Variants in DTX2 observed in about 807,000 individuals in gnomAD.
DTX2 encodes the protein probable E3 ubiquitin-protein ligase DTX2.
In DTX2, 29 loss-of-function variants were observed where a neutral mutation model predicts 55.3. The ratio of observed to expected loss-of-function variants is 0.52; its 90% CI spans 0.39 to 0.71. The LOEUF is 0.71. DTX2 is among the 30% of genes least tolerant of loss of function. The pLI is 0.00. For missense variants in DTX2, 537 were observed against 822.5 expected (o/e 0.65, Z 4.25); for synonymous variants, 276 against 340.4 (o/e 0.81, Z 2.08).
chr7:76,480,618 A>G lies in DTX2; in HGVS notation c.109A>G (p.Thr37Ala). The change falls in exon 3 of 11, where the codon ACC (threonine) becomes GCC (alanine). Residue 37 changes from threonine (T) to alanine (A), a missense_variant. Thr to Ala is a moderately conservative substitution (Grantham distance 58). This residue lies in a region of DTX2 where 301 missense variants were observed against 396.6 expected (regional missense o/e 0.76). Coordinates refer to ENST00000430490, the MANE Select transcript of DTX2 (RefSeq NM_001102594.3). ...GGGCACCTGGCACCCCTACAGTGCCACCGTCTGCAGCTTCATCGAGCAGCA... is the reference window on the plus strand; with the variant it reads ...GGGCACCTGGCACCCCTACAGTGCCGCCGTCTGCAGCTTCATCGAGCAGCA... Reference protein sequence around the residue: ...GLGTWHPYSATVCSFIEQQFV... With the variant: ...GLGTWHPYSAAVCSFIEQQFV... The G allele has an allele frequency of 6.2e-7, 1 of 1,613,460 alleles. No individual in the cohort carries two copies. The highest frequency in any genetic ancestry group is 8.5e-7 in the Non-Finnish European group (1 of 1,179,926).
chr7:76,505,682 G>A lies in DTX2; in HGVS notation c.*81G>A. On this transcript the variant is annotated 3_prime_UTR_variant, in exon 11 of 11. Coordinates refer to ENST00000430490, the MANE Select transcript of DTX2 (RefSeq NM_001102594.3). This position sits in a 1 kb window ranked among gnomAD's most constrained non-coding sequence, Gnocchi z 4.4. The stretch of plus-strand genomic sequence containing the variant: ...TGGGTGGCCAGGCAGGAAGTGCCCA[G>A]CCCGAGAGGCTGGGAGGTTTGTTGA... The A allele has an allele frequency of 7.0e-7, 1 of 1,419,644 alleles. No homozygotes were observed. The highest frequency in any genetic ancestry group is 1.3e-5 in the South Asian group (1 of 78,476). 87.9% of individuals were successfully genotyped at this position (1,419,644 alleles called of 1,614,324 possible).
At chr7:76,478,102 G>A (rs1177357671) in intron 2 of DTX2, 1 of 145,356 alleles carries the variant, frequency 6.9e-6, no homozygotes, top group African/African-American at 2.6e-5. Flanking sequence ...CGCCCATGAA[G>A]GACCCTGGCC....
At chr7:76,472,825 T>C (rs1458033598) in intron 2 of DTX2, among the ~76,000 whole-genome samples, 1 of 152,214 alleles carries the variant, frequency 6.6e-6, no homozygotes, top group Non-Finnish European at 1.5e-5. Flanking sequence ...TTGACTTCTA[T>C]GGAGTTTGCC....
intron 2 of DTX2, among the ~76,000 whole-genome samples, chr7:76,468,831 C>T (rs1294962571): frequency 1.5e-5 from 2 of 135,984 alleles, no homozygotes; most frequent in African/African-American, 5.9e-5. Context: ...GGCACAGTCT[C>T]GGCTCACTGC....
chr7:76,481,047 C>T (rs749712313), intron 3 of DTX2, among the ~76,000 whole-genome samples: 45 of 152,256 alleles, frequency 3.0e-4, no homozygotes, highest in Non-Finnish European at 5.3e-4. Flanking sequence ...GTTCCTTTGG[C>T]CGGCAGGCCG....
At chr7:76,473,926 T>C (rs1224105974) in intron 2 of DTX2, among the ~76,000 whole-genome samples, 1 of 135,690 alleles carries the variant, frequency 7.4e-6, no homozygotes, top group East Asian at 2.2e-4. Context: ...TCACTTTTTT[T>C]TTTTTTTTTT....
chr7:76,480,698 C>A lies in DTX2; in HGVS notation c.189C>A (p.Ile63=). The A allele has an allele frequency of 6.2e-7, 1 of 1,613,696 alleles. No individual in the cohort carries two copies. Among genetic ancestry groups the A allele is most frequent in the Non-Finnish European group, 8.5e-7 (1 of 1,179,826 alleles). ...GGCTTGGGAGCCTGGCCCACAGCAT[C>A]CCCTTGGGCCAGGCAGACCCCTCGC... ...RFGLGSLAHS[I]PLGQADPSLA... is the part of the protein sequence containing the mutation. Residue 63 remains isoleucine, a synonymous_variant, in exon 3 of 11, where the codon ATC becomes ATA. Transcript: ENST00000430490.
chr7:76,476,593 C>T (rs1448041032), intron 2 of DTX2, among the ~76,000 whole-genome samples: 2 of 149,580 alleles, frequency 1.3e-5, no homozygotes, highest in Non-Finnish European at 1.5e-5. Context: ...TGGAGCCAGC[C>T]GTCTCTGGCA....
chr7:76,494,543 T>C (rs1283923082), intron 5 of DTX2, among the ~76,000 whole-genome samples: 1 of 82,476 alleles, frequency 1.2e-5, no homozygotes, highest in African/African-American at 6.2e-5. Flanking sequence ...ATCTAAGTGC[T>C]CTGGGTGTGG....
At position 76,505,767 on chromosome 7, in the gene DTX2, T is replaced by G. The variant is rs1326108223; in HGVS notation, c.*166T>G. ...CCCCCTGCCTGCCTCTCTCTCCTCC[T>G]CCCCTCTGGGAATTGGGCAGCCCTG... On this transcript the variant is annotated 3_prime_UTR_variant, in exon 11 of 11. Transcript: ENST00000430490. The surrounding 1 kb of genome is among the most constrained non-coding windows in gnomAD (Gnocchi z 4.4). The G allele has an allele frequency of 4.1e-6, 3 of 731,782 alleles. No homozygotes were observed. Among genetic ancestry groups the G allele is most frequent in the Admixed American group, 5.2e-5 (2 of 38,314 alleles). The allele number at this position is 731,782 out of a possible 1,614,324, so 45.3% of individuals were successfully genotyped here. A position where few individuals can be genotyped will look rare whatever the true frequency, so the allele number is the denominator to read the frequency against.
At chr7:76,495,011 G>A (rs1037914620) in intron 5 of DTX2, among the ~76,000 whole-genome samples, 6 of 145,480 alleles carry the variant, frequency 4.1e-5, no homozygotes, top group African/African-American at 1.5e-4. Flanking sequence ...AGGACTGAGT[G>A]CTGGAGGCAC....
At chr7:76,501,277 C>G in intron 7 of DTX2, 1 of 456,230 alleles carries the variant, frequency 2.2e-6, no homozygotes, top group Non-Finnish European at 4.4e-6. Flanking sequence ...TCTGTTGAGT[C>G]CATGAGAAAA....
chr7:76,502,263 G>A, intron 7 of DTX2, 35 bp from the exon 8 acceptor site: 14 of 1,578,354 alleles, frequency 8.9e-6, no homozygotes, highest in Non-Finnish European at 1.2e-5. Context: ...CCAGCCCACT[G>A]TTGGCGAGCA....
chr7:76,503,080 A>G (rs28538438), intron 8 of DTX2: 123,441 of 331,982 alleles, frequency 0.37, 24,190 homozygotes, highest in East Asian at 0.45. Context: ...AGTGTCTGCC[A>G]TCCTGGGCAG....
At chr7:76,486,818 C>T (rs1398129837) in intron 4 of DTX2, among the ~76,000 whole-genome samples, 1 of 132,588 alleles carries the variant, frequency 7.5e-6, no homozygotes, top group Non-Finnish European at 1.6e-5. Flanking sequence ...AAACGGCGCT[C>T]AGCTCTTGGT....
rs1157553589 is a variant in DTX2, at chr7:76,482,556, C to A, written c.317C>A (p.Pro106His). The change falls in exon 4 of 11, where the codon CCT becomes CAT. Residue 106 changes from proline to histidine, a missense_variant. By Grantham distance (77) the Pro-to-His change is moderately conservative. This residue lies in a region of DTX2 where 301 missense variants were observed against 396.6 expected (regional missense o/e 0.76). Transcript: ENST00000430490. The part of the protein sequence containing the change: ...RRHLFPQHSA[P>H]GRGVVWEWLS... Reference sequence around the variant, plus strand: ...CACCTGTTCCCCCAGCACTCAGCCCCTGGCCGAGGTGTCGTCTGGGAGTGG... The same window carrying A: ...CACCTGTTCCCCCAGCACTCAGCCCATGGCCGAGGTGTCGTCTGGGAGTGG... The A allele has an allele frequency of 1.9e-6, 3 of 1,612,418 alleles. No homozygotes were observed. The African/African-American group carries it at 4.0e-5, about 22-fold the overall frequency.
Position 76,480,527 on chromosome 7 carries a change from C to A in DTX2, c.18C>A (p.Ser6Arg), listed in dbSNP as rs377172273. The change falls in exon 3 of 11, where the codon AGC (serine) becomes AGA (arginine). Residue 6 changes from serine (S) to arginine (R), a missense_variant. Around this residue, in one of 7 missense-constraint regions of DTX2, gnomAD observed 301 missense variants for 396.6 expected, o/e 0.76. Coordinates refer to ENST00000430490, the MANE Select transcript of DTX2 (RefSeq NM_001102594.3). ...TTGGGAAGATGGCCATGGCCCCAAG[C>A]CCTTCCCTGGTGCAGGTGTACACCA... MAMAP[S>R]PSLVQVYTSP... The A allele has an allele frequency of 1.2e-5, 19 of 1,606,162 alleles. No individual in the cohort carries two copies. The East Asian group carries it at 3.6e-4, about 30-fold the overall frequency.
chr7:76,498,902 TGGA>T (rs1811279513), intron 6 of DTX2, among the ~76,000 whole-genome samples: 1 of 44,842 alleles, frequency 2.2e-5, no homozygotes, highest in Non-Finnish European at 4.0e-5. Flanking sequence ...TATGGAGGTG[TGGA>T]GTGTGTGTGG....
At chr7:76,468,791 C>G (rs1292937619) in intron 2 of DTX2, among the ~76,000 whole-genome samples, 1 of 118,016 alleles carries the variant, frequency 8.5e-6, no homozygotes, top group Non-Finnish European at 1.7e-5. Flanking sequence ...GAGGCAGGGT[C>G]TAACTCTGTT....
Sources: gnomAD v4.1 joint callset for allele counts (sites outside exome capture counted in the v4.1 genomes callset) on GRCh38, gnomAD v4.1.1 for gene constraint, gnomAD v4.1.1 regional missense constraint, Gnocchi (gnomAD v3.1) non-coding constraint, MANE v1.5 for transcripts, NCBI Gene and HGNC (gene_info 2026-07-23, HGNC 2026-07-21) for gene names.